Variants in GSG1L observed in about 807,000 individuals in gnomAD.
GSG1L encodes the protein germ cell-specific gene 1-like protein.
In GSG1L, 24 loss-of-function variants were observed where a neutral mutation model predicts 42.1. That is an observed-to-expected ratio of 0.57 (90% CI 0.41 to 0.80). The LOEUF (loss-of-function observed/expected upper bound fraction) is 0.80. GSG1L is among the 30% of genes least tolerant of loss of function. GSG1L has a pLI of 0.00. For synonymous variants in GSG1L, 215 were observed against 203.5 expected (o/e 1.06, Z -0.48); for missense variants, 445 against 472.2 (o/e 0.94, Z 0.53).
intron 2 of GSG1L, among the ~76,000 whole-genome samples, chr16:27,943,734 C>A (rs1350730840): frequency 1.3e-5 from 2 of 151,618 alleles, no homozygotes; most frequent in Admixed American, 6.6e-5. Context: ...ACCACCACAC[C>A]CAGCTAATTT....
intron 1 of GSG1L, among the ~76,000 whole-genome samples, chr16:27,982,571 A>T (rs2085337525): frequency 6.6e-6 from 1 of 152,168 alleles, no homozygotes; most frequent in African/African-American, 2.4e-5. Flanking sequence ...CCCCTGGGTT[A>T]GTCTATTTTG....
intron 1 of GSG1L, among the ~76,000 whole-genome samples, chr16:28,031,551 T>C (rs369698951): frequency 8.5e-5 from 13 of 152,284 alleles, no homozygotes; most frequent in African/African-American, 3.1e-4. Context: ...ACCTATTAAC[T>C]TTCCCAAAGC....
chr16:27,946,186 G>T (rs2084858297), intron 2 of GSG1L, among the ~76,000 whole-genome samples: 1 of 152,200 alleles, frequency 6.6e-6, no homozygotes, highest in South Asian at 2.1e-4. Context: ...ACTTCTCTGA[G>T]TCAGCTGCCC....
At chr16:27,801,824 CT>C in intron 6 of GSG1L, among the ~76,000 whole-genome samples, 1 of 152,200 alleles carries the variant, frequency 6.6e-6, no homozygotes, top group East Asian at 1.9e-4. Flanking sequence ...AAGCCATGGT[CT>C]TAACCTCCTG....
chr16:27,803,510 A>G (rs1165942354), intron 6 of GSG1L, among the ~76,000 whole-genome samples: 4 of 152,006 alleles, frequency 2.6e-5, no homozygotes, highest in Admixed American at 1.3e-4. Context: ...TTCAATCATC[A>G]AAATAAAGCA....
intron 2 of GSG1L, among the ~76,000 whole-genome samples, chr16:27,916,365 G>T (rs2084454847): frequency 6.6e-6 from 1 of 151,846 alleles, no homozygotes; most frequent in Non-Finnish European, 1.5e-5. Flanking sequence ...GCCCAGGCTG[G>T]AGTACAGTGG....
intron 5 of GSG1L, among the ~76,000 whole-genome samples, chr16:27,825,461 A>G (rs1032171188): frequency 6.6e-6 from 1 of 152,182 alleles, no homozygotes; most frequent in African/African-American, 2.4e-5. Context: ...GCTTGCGGCT[A>G]GGAGTTTGAA....
chr16:27,994,156 T>G (rs561613861), intron 1 of GSG1L, among the ~76,000 whole-genome samples: 71 of 152,282 alleles, frequency 4.7e-4, no homozygotes, highest in African/African-American at 1.7e-3. Flanking sequence ...GAGAGGCTGC[T>G]ACAACGGCTA....
chr16:27,821,216 T>A (rs1363750), intron 5 of GSG1L, among the ~76,000 whole-genome samples: 20 of 151,960 alleles, frequency 1.3e-4, no homozygotes, highest in African/African-American at 1.5e-4. Flanking sequence ...GTTGCCATGC[T>A]GGAACATGGG....
At chr16:27,820,374 G>C (rs1162138809) in intron 5 of GSG1L, among the ~76,000 whole-genome samples, 1 of 152,124 alleles carries the variant, frequency 6.6e-6, no homozygotes, top group East Asian at 1.9e-4. Flanking sequence ...GAGCCGAAGA[G>C]AGAGCAATTC....
At chr16:27,974,359 G>T (rs2085228597) in intron 1 of GSG1L, among the ~76,000 whole-genome samples, 1 of 152,168 alleles carries the variant, frequency 6.6e-6, no homozygotes, top group Non-Finnish European at 1.5e-5. Flanking sequence ...TGCCCATGAG[G>T]CCAGAAAACC....
chr16:27,869,148 A>G (rs1164223447), intron 3 of GSG1L, among the ~76,000 whole-genome samples: 2 of 147,252 alleles, frequency 1.4e-5, no homozygotes, highest in Non-Finnish European at 2.9e-5. Flanking sequence ...CTCACTGAGG[A>G]TGGGCTCAGC....
intron 1 of GSG1L, among the ~76,000 whole-genome samples, chr16:28,015,025 C>G (rs1172600504): frequency 6.6e-6 from 1 of 152,216 alleles, no homozygotes; most frequent in Admixed American, 6.5e-5. Flanking sequence ...GTGGCTGGGA[C>G]AGAGTCCACT....
chr16:27,939,352 T>C (rs964362483), intron 2 of GSG1L, among the ~76,000 whole-genome samples: 1 of 152,144 alleles, frequency 6.6e-6, no homozygotes, highest in East Asian at 1.9e-4. Flanking sequence ...GGTCTCAAAC[T>C]CCTGGACTCA....
At chr16:27,835,307 T>C (rs1055041485) in intron 4 of GSG1L, among the ~76,000 whole-genome samples, 5 of 152,198 alleles carry the variant, frequency 3.3e-5, no homozygotes, top group African/African-American at 4.8e-5. Context: ...CTAATATTAA[T>C]ATAGCTAATC....
chr16:27,956,944 A>G (rs2085012813), intron 2 of GSG1L, among the ~76,000 whole-genome samples: 1 of 152,228 alleles, frequency 6.6e-6, no homozygotes, highest in Non-Finnish European at 1.5e-5. Flanking sequence ...GTTATTTGGT[A>G]GGAGACTCTT....
intron 1 of GSG1L, among the ~76,000 whole-genome samples, chr16:28,035,178 G>C (rs1014537120): frequency 6.6e-6 from 1 of 151,492 alleles, no homozygotes; most frequent in African/African-American, 2.4e-5. Flanking sequence ...AGCTAATGCT[G>C]TTTTTGTTTT....
chr16:27,966,678 G>A (rs953755867), intron 1 of GSG1L, among the ~76,000 whole-genome samples: 6 of 152,134 alleles, frequency 3.9e-5, no homozygotes, highest in African/African-American at 1.4e-4. Flanking sequence ...TGGCCACCAA[G>A]GATGCAGCAC....
intron 1 of GSG1L, among the ~76,000 whole-genome samples, chr16:28,026,412 C>A (rs1482636331): frequency 6.6e-6 from 1 of 152,194 alleles, no homozygotes. Flanking sequence ...GGGACCTCAG[C>A]TGAAGCCCAA....
Sources: allele counts gnomAD v4.1 joint callset (sites outside exome capture counted in the v4.1 genomes callset), GRCh38; gene constraint gnomAD v4.1.1; transcripts MANE v1.5; gene names NCBI Gene and HGNC (gene_info 2026-07-23, HGNC 2026-07-21).